KCNIP4: variants seen among roughly 807,000 people sequenced by gnomAD.
The protein encoded by KCNIP4 is potassium voltage-gated channel interacting protein 4.
KCNIP4 carries 12 observed loss-of-function variants against 34.0 expected under a neutral mutation model. The ratio of observed to expected loss-of-function variants is 0.35; its 90% CI spans 0.23 to 0.57. The LOEUF is 0.57. KCNIP4 is among the 20% of genes least tolerant of loss of function. The pLI is 0.83. For missense variants in KCNIP4, 238 were observed against 311.7 expected (o/e 0.76, Z 1.78); for synonymous variants, 124 against 102.2 (o/e 1.21, Z -1.29).
intron 5 of KCNIP4, among the ~76,000 whole-genome samples, chr4:20,739,681 C>T (rs567435060): frequency 6.6e-6 from 1 of 152,130 alleles, no homozygotes; most frequent in African/African-American, 2.4e-5. Context: ...ATCAGAGAAC[C>T]TCTTCTCCAA....
intron 1 of KCNIP4, among the ~76,000 whole-genome samples, chr4:21,800,101 T>C (rs1720889656): frequency 6.6e-6 from 1 of 152,188 alleles, no homozygotes; most frequent in Non-Finnish European, 1.5e-5. Flanking sequence ...TCCTGAATAT[T>C]CTCCAGCCTC....
intron 1 of KCNIP4, among the ~76,000 whole-genome samples, chr4:21,584,341 T>C (rs1342093529): frequency 1.3e-5 from 2 of 152,062 alleles, no homozygotes; most frequent in African/African-American, 4.8e-5. Flanking sequence ...TTTTAATTCA[T>C]AAAGGGCAAC....
At chr4:21,850,260 A>T (rs1319475140) in intron 1 of KCNIP4, 1 of 152,172 alleles carries the variant, frequency 6.6e-6, no homozygotes, top group African/African-American at 2.4e-5. Flanking sequence ...AGCAACTGAG[A>T]GACACTAATG....
At chr4:21,063,298 G>T (rs1445566108) in intron 1 of KCNIP4, among the ~76,000 whole-genome samples, 3 of 152,126 alleles carry the variant, frequency 2.0e-5, no homozygotes, top group Non-Finnish European at 4.4e-5. Flanking sequence ...GCTTTAACAG[G>T]TTACACCATC....
At chr4:21,651,866 C>T (rs1747505859) in intron 1 of KCNIP4, among the ~76,000 whole-genome samples, 1 of 151,948 alleles carries the variant, frequency 6.6e-6, no homozygotes, top group African/African-American at 2.4e-5. Context: ...CAGATATATA[C>T]ATCTATGTAT....
intron 2 of KCNIP4, among the ~76,000 whole-genome samples, chr4:20,877,116 C>A (rs533075550): frequency 3.9e-5 from 6 of 152,236 alleles, no homozygotes; most frequent in African/African-American, 1.4e-4. Context: ...TTGGGTTTGG[C>A]CACGGGTGAA....
At chr4:20,978,699 C>T (rs932956339) in intron 1 of KCNIP4, among the ~76,000 whole-genome samples, 1 of 152,182 alleles carries the variant, frequency 6.6e-6, no homozygotes, top group African/African-American at 2.4e-5. Flanking sequence ...TGATTGCTTT[C>T]ATCTCCTCTA....
intron 1 of KCNIP4, among the ~76,000 whole-genome samples, chr4:21,668,722 A>T (rs1180610695): frequency 6.6e-6 from 1 of 152,206 alleles, no homozygotes; most frequent in Non-Finnish European, 1.5e-5. Flanking sequence ...TATCAACCTT[A>T]ACATTTTATA....
intron 1 of KCNIP4, chr4:21,697,548 A>T: frequency 2.1e-6 from 3 of 1,434,504 alleles, no homozygotes; most frequent in Non-Finnish European, 2.7e-6. Context: ...CAGTTTATGC[A>T]CAGGCTGCCT....
chr4:21,240,126 A>C (rs1264460415), intron 1 of KCNIP4, among the ~76,000 whole-genome samples: 1 of 150,772 alleles, frequency 6.6e-6, no homozygotes, highest in Non-Finnish European at 1.5e-5. Context: ...TCGCAAAGAC[A>C]AAAAACCAAA....
intron 1 of KCNIP4, among the ~76,000 whole-genome samples, chr4:20,926,923 C>A (rs1360591543): frequency 2.6e-5 from 4 of 152,166 alleles, no homozygotes; most frequent in Non-Finnish European, 5.9e-5. Context: ...AAGCAAGAAA[C>A]TGTAAAATCC....
intron 1 of KCNIP4, among the ~76,000 whole-genome samples, chr4:21,711,279 C>T (rs1713701920): frequency 6.6e-6 from 1 of 152,142 alleles, no homozygotes; most frequent in Non-Finnish European, 1.5e-5. Flanking sequence ...TGAGACCATC[C>T]TGGCCAACAT....
At position 21,136,232 on chromosome 4, in the gene KCNIP4, G is replaced by A. The variant is rs149979296; in HGVS notation, c.62-253523C>T. On this transcript the variant is annotated intron_variant, in intron 1 of 8. Transcript: ENST00000382152. The stretch of plus-strand genomic sequence containing the variant: ...TATTTACCACTGTTCAGTGGCCTAT[G>A]GTACAAAGGGTTTTGTTTTCTGACC... 2.4e-3 allele frequency among the ~76,000 whole-genome samples: 366 copies of A among 152,214 alleles called. 2 individuals carry two copies. The highest frequency in any genetic ancestry group is 6.4e-3 in the East Asian group (33 of 5,172).
chr4:21,492,429 G>T (rs1732491904), intron 1 of KCNIP4, among the ~76,000 whole-genome samples: 1 of 151,364 alleles, frequency 6.6e-6, no homozygotes, highest in Non-Finnish European at 1.5e-5. Context: ...TCTCTTTTTT[G>T]CCCAGGCTGC....
At chr4:21,145,020 A>T (rs1577778950) in intron 1 of KCNIP4, among the ~76,000 whole-genome samples, 1 of 152,198 alleles carries the variant, frequency 6.6e-6, no homozygotes, top group East Asian at 1.9e-4. Context: ...TGAAACATTT[A>T]TTCAGAATGA....
chr4:20,996,913 T>C (rs1737603991), intron 1 of KCNIP4, among the ~76,000 whole-genome samples: 2 of 152,282 alleles, frequency 1.3e-5, no homozygotes, highest in Admixed American at 6.5e-5. Context: ...CTTTCTATAA[T>C]GATTTGTTGA....
intron 1 of KCNIP4, among the ~76,000 whole-genome samples, chr4:21,225,690 C>G (rs1758327415): frequency 6.6e-6 from 1 of 152,140 alleles, no homozygotes; most frequent in African/African-American, 2.4e-5. Flanking sequence ...AGCAGATGCT[C>G]AATCTAGGTT....
rs12649578 is a variant in KCNIP4 at position 21,711,016 on chromosome 4, C to T, written c.61+237555G>A. Among the ~76,000 whole-genome samples the T allele has an allele frequency of 1.8e-3, 279 of 152,220 alleles. 3 individuals are homozygous for T. In the East Asian group the frequency reaches 0.036, roughly 20 times the overall value. On this transcript the variant is annotated intron_variant, in intron 1 of 8. Coordinates refer to ENST00000382152, the MANE Select transcript of KCNIP4 (RefSeq NM_025221.6). Reference sequence around the variant, plus strand: ...GATTAATTTCATTAATGTAGAGGCACGCCTACTACCTATGGTTAAGTAATA... The same window carrying T: ...GATTAATTTCATTAATGTAGAGGCATGCCTACTACCTATGGTTAAGTAATA...
At chr4:21,643,451 A>G (rs1746759439) in intron 1 of KCNIP4, among the ~76,000 whole-genome samples, 1 of 152,132 alleles carries the variant, frequency 6.6e-6, no homozygotes, top group African/African-American at 2.4e-5. Flanking sequence ...TTTTGGTTTA[A>G]GATGTATATG....
Sources: allele counts gnomAD v4.1 joint callset (sites outside exome capture counted in the v4.1 genomes callset), GRCh38; gene constraint gnomAD v4.1.1; transcripts MANE v1.5; gene names NCBI Gene and HGNC (gene_info 2026-07-23, HGNC 2026-07-21).